ZNF14: variants seen among roughly 807,000 people sequenced by gnomAD.
The protein encoded by ZNF14 is gonadotropin inducible transcription repressor-4.
Under a neutral mutation model 11.3 loss-of-function variants are expected in ZNF14, and 9 were observed. The observed-to-expected ratio is 0.80, with a 90% CI of 0.48 to 1.39. The LOEUF (loss-of-function observed/expected upper bound fraction) is 1.39. Among genes scored for constraint, ZNF14 ranks in the 40% most tolerant of loss-of-function variants. ZNF14 has a pLI of 0.00. For synonymous variants in ZNF14, 239 were observed against 245.7 expected (o/e 0.97, Z 0.25); for missense variants, 711 against 763.9 (o/e 0.93, Z 0.82).
chr19:19,718,298 T>C (rs537496216), intron 1 of ZNF14, among the ~76,000 whole-genome samples: 25 of 152,218 alleles, frequency 1.6e-4, no homozygotes, highest in African/African-American at 4.8e-4. Context: ...AGCATATATA[T>C]AGAAATTCTA....
Position 19,732,991 on chromosome 19 carries a change from C to T in ZNF14, c.-33G>A, listed in dbSNP as rs1161273185. 6 of 1,612,620 alleles carry T rather than the reference C, an allele frequency of 3.7e-6. No homozygotes were observed. The African/African-American group carries it at 8.0e-5, about 22-fold the overall frequency. On this transcript the variant is annotated 5_prime_UTR_variant, in exon 1 of 4. Transcript: ENST00000344099. ...CGTCCGGGAAGTCACGGTGTCCTCC[C>T]TACGGATCTGTCAGTACCTGCAGGT...
At chr19:19,718,210 T>C (rs2163812) in intron 1 of ZNF14, among the ~76,000 whole-genome samples, 1,962 of 152,266 alleles carry the variant, frequency 0.013, 54 homozygotes, top group African/African-American at 0.045. Flanking sequence ...AGATCAGAAA[T>C]TTAAACCAAA....
At position 19,712,072 on chromosome 19, in the gene ZNF14, T is replaced by TG; in HGVS notation, c.1208dup (p.Ser404LysfsTer17). On this transcript the variant is annotated frameshift_variant, in exon 4 of 4. Coordinates refer to ENST00000344099, the MANE Select transcript of ZNF14 (RefSeq NM_021030.3). LOFTEE classifies it low-confidence loss of function (END_TRUNC). ...TTGTTTCGTGTTCTCGAAGGGAACTTGAAAAACTGAAGGTTTTATGACACT... is the reference window on the plus strand; with the variant it reads ...TTGTTTCGTGTTCTCGAAGGGAACTTGGAAAAACTGAAGGTTTTATGACACT... 1 of 1,613,026 alleles carries TG rather than the reference T, an allele frequency of 6.2e-7. No individual in the cohort carries two copies. Among genetic ancestry groups the TG allele is most frequent in the Non-Finnish European group, 8.5e-7 (1 of 1,179,708 alleles).
In ZNF14 at chr19:19,711,436, A is replaced by C. The variant is rs1343795377; in HGVS notation, c.1845T>G (p.Tyr615Ter). The C allele has an allele frequency of 6.2e-7, 1 of 1,609,600 alleles. No homozygotes were observed. The highest frequency in any genetic ancestry group is 8.5e-7 in the Non-Finnish European group (1 of 1,178,482). Residue 615 changes from tyrosine to a stop codon, truncating the protein, a stop_gained, in exon 4 of 4, where the codon TAT (tyrosine) becomes TAG (stop). Transcript: ENST00000344099. LOFTEE classifies it low-confidence loss of function (END_TRUNC). The stretch of plus-strand genomic sequence containing the variant: ...AGGCTTTTCCACATTGTTTGCATTC[A>C]TAAGGTTTCTCTCCAGTGTGAGACC... ...HERSHTGEKP[Y>*]ECKQCGKAFI...
rs2062358995 is a variant in ZNF14, at chr19:19,711,349, T to C, written c.*3A>G. ...CGAAGGCTTCAGAATGTTGCTTATATTCTTAGACTTTCTCTCCCATATGAG... is the reference window on the plus strand; with the variant it reads ...CGAAGGCTTCAGAATGTTGCTTATACTCTTAGACTTTCTCTCCCATATGAG... On this transcript the variant is annotated 3_prime_UTR_variant, in exon 4 of 4. Coordinates refer to ENST00000344099, the MANE Select transcript of ZNF14 (RefSeq NM_021030.3). The C allele has an allele frequency of 6.5e-7, 1 of 1,538,904 alleles. No homozygotes were observed.
intron 1 of ZNF14, among the ~76,000 whole-genome samples, chr19:19,731,526 T>C (rs2062423268): frequency 6.6e-6 from 1 of 151,494 alleles, no homozygotes; most frequent in Non-Finnish European, 1.5e-5. Flanking sequence ...CAGTGAGCTG[T>C]GATCATGCCG....
Position 19,712,788 on chromosome 19 carries a change from C to T in ZNF14, c.493G>A (p.Gly165Arg). 1 of 1,614,166 alleles carries T rather than the reference C, an allele frequency of 6.2e-7. No individual in the cohort carries two copies. The highest frequency in any genetic ancestry group is 1.3e-5 in the African/African-American group (1 of 75,056). The change falls in exon 4 of 4, where the codon GGA becomes AGA. Residue 165 changes from glycine (G) to arginine (R), a missense_variant. By Grantham distance (125) the Gly-to-Arg change is moderately radical. Coordinates refer to ENST00000344099, the MANE Select transcript of ZNF14 (RefSeq NM_021030.3). ...TGTTTACATTCATAGGGCTTCACTC[C>T]AGTGTGAGTTCTTTCATGTTTGCGA... ...CFRKHERTHTGVKPYECKQCG... is the reference protein window; with the variant it reads ...CFRKHERTHTRVKPYECKQCG...
intron 1 of ZNF14, among the ~76,000 whole-genome samples, chr19:19,715,693 A>T (rs1426496054): frequency 6.6e-6 from 1 of 152,248 alleles, no homozygotes; most frequent in Non-Finnish European, 1.5e-5. Flanking sequence ...ATGCCTGGGA[A>T]AGGGAGAGAT....
At chr19:19,732,893 G>A in intron 1 of ZNF14, 63 bp downstream of exon 1, 1 of 1,599,856 alleles carries the variant, frequency 6.3e-7, no homozygotes, top group South Asian at 1.1e-5. Flanking sequence ...GGAGGTCCCC[G>A]GCCTCGGCCA....
Position 19,712,991 on chromosome 19 carries a change from A to G in ZNF14, c.290T>C (p.Phe97Ser), listed in dbSNP as rs762699717. Residue 97 changes from phenylalanine (F) to serine (S), a missense_variant, in exon 4 of 4, where the codon TTT (phenylalanine) becomes TCT (serine). Phe to Ser is a radical substitution (Grantham distance 155, BLOSUM62 -2). Transcript: ENST00000344099. ...MPNVNINKET[F>S]TGAKPHECSF... is the part of the protein sequence containing the mutation. ...GCATTCATGTGGTTTTGCTCCAGTA[A>G]AAGTTTCCTTGTTGATATTAACATT... The G allele has an allele frequency of 7.4e-6, 12 of 1,613,962 alleles. No individual in the cohort carries two copies. The highest frequency in any genetic ancestry group is 1.6e-4 in the Middle Eastern group (1 of 6,084).
At chr19:19,729,178 A>G (rs930878792) in intron 1 of ZNF14, among the ~76,000 whole-genome samples, 3 of 152,050 alleles carry the variant, frequency 2.0e-5, no homozygotes, top group Admixed American at 6.6e-5. Context: ...GTGTTTTACC[A>G]TGTTGGCCAG....
chr19:19,721,942 G>A (rs1354024921), intron 1 of ZNF14, among the ~76,000 whole-genome samples: 1 of 143,960 alleles, frequency 6.9e-6, no homozygotes, highest in Non-Finnish European at 1.5e-5. Context: ...CAGCCTGGGT[G>A]ACAGAGCAAG....
Position 19,711,997 on chromosome 19 carries a change from G to A in ZNF14, c.1284C>T (p.Phe428=). The change falls in exon 4 of 4, where the codon TTC becomes TTT. Residue 428 remains phenylalanine (F), a synonymous_variant. Coordinates refer to ENST00000344099, the MANE Select transcript of ZNF14 (RefSeq NM_021030.3). ...PYECKQCGKT[F]SFSSSLQRHE... is the part of the protein sequence containing the mutation. ...GTCTTTGAAGGGAACTTGAAAAACTGAAGGTTTTACCACATTGTTTACATT... is the reference window on the plus strand; with the variant it reads ...GTCTTTGAAGGGAACTTGAAAAACTAAAGGTTTTACCACATTGTTTACATT... 1 of 1,614,040 alleles carries A rather than the reference G, an allele frequency of 6.2e-7. No individual in the cohort carries two copies. Among genetic ancestry groups the A allele is most frequent in the Non-Finnish European group, 8.5e-7 (1 of 1,180,000 alleles).
chr19:19,712,286 GC>G lies in ZNF14; in HGVS notation c.994del (p.Ala332LeufsTer374). The G allele has an allele frequency of 6.2e-7, 1 of 1,613,596 alleles. No homozygotes were observed. The highest frequency in any genetic ancestry group is 1.1e-5 in the South Asian group (1 of 91,036). ...FRAHVIIHTG[A>X]RPYKCKECGK... is the part of the protein sequence containing the mutation. ...ACATTCTTTACATTTATAAGGTCGA[GC>G]CCCAGTGTGTATTATTACATGTGCT... On this transcript the variant is annotated frameshift_variant, in exon 4 of 4. Coordinates refer to ENST00000344099, the MANE Select transcript of ZNF14 (RefSeq NM_021030.3). LOFTEE classifies it low-confidence loss of function (END_TRUNC).
chr19:19,731,806 G>C (rs247776), intron 1 of ZNF14, among the ~76,000 whole-genome samples: 29,611 of 152,036 alleles, frequency 0.19, 3,683 homozygotes, highest in South Asian at 0.26. Context: ...GGTGGCTCAC[G>C]CCTGTAATCC....
At chr19:19,732,913 C>CA in intron 1 of ZNF14, 43 bp downstream of exon 1, 1 of 1,612,656 alleles carries the variant, frequency 6.2e-7, no homozygotes, top group East Asian at 2.2e-5. Context: ...ACAGACGGTT[C>CA]CAACCAGAAA....
chr19:19,726,279 T>C lies in ZNF14; in HGVS notation c.3+6677A>G, dbSNP rs1308099706. On this transcript the variant is annotated intron_variant, in intron 1 of 3. Transcript: ENST00000344099. ...AAATGGGGTTTTGGTGTGGATGTCC[T>C]TTCTGTTTGTTAGTTTTCCTCCTAA... Among the ~76,000 whole-genome samples the C allele has an allele frequency of 2.2e-5, 3 of 134,734 alleles. 1 individual carries two copies. The highest frequency in any genetic ancestry group is 5.0e-5 in the Non-Finnish European group (3 of 60,424). 88.4% of individuals were successfully genotyped at this position (134,734 alleles called of 152,430 possible).
rs867064150 is a variant in ZNF14, at chr19:19,712,113, G to A, written c.1168C>T (p.Pro390Ser). ...LHERTHTGEK[P>S]YECKQCHKTF... ...TTATGACACTGTTTACACTCATAAG[G>A]TTTCTCTCCAGTATGAGTTCTTTCA... Residue 390 changes from proline (P) to serine (S), a missense_variant, in exon 4 of 4, where the codon CCT (proline) becomes TCT (serine). Pro to Ser is a moderately conservative substitution (Grantham distance 74). Coordinates refer to ENST00000344099, the MANE Select transcript of ZNF14 (RefSeq NM_021030.3). The A allele has an allele frequency of 6.2e-7, 1 of 1,613,788 alleles. No individual in the cohort carries two copies. The highest frequency in any genetic ancestry group is 8.5e-7 in the Non-Finnish European group (1 of 1,180,014).
In ZNF14 at chr19:19,711,111, G is replaced by A; in HGVS notation, c.*241C>T. ...AAAACAAAAAACAAAAAACAAAACA[G>A]ATTTCACTGCAGCACGAGTCCTGTC... is the stretch of plus-strand genomic sequence containing the variant. On this transcript the variant is annotated 3_prime_UTR_variant, in exon 4 of 4. Transcript: ENST00000344099. 2.3e-6 allele frequency: 1 copy of A among 438,668 alleles called. No homozygotes were observed. 27.2% of individuals were successfully genotyped at this position (438,668 alleles called of 1,614,324 possible).
Sources: allele counts gnomAD v4.1 joint callset (sites outside exome capture counted in the v4.1 genomes callset), GRCh38; gene constraint gnomAD v4.1.1; transcripts MANE v1.5; gene names NCBI Gene and HGNC (gene_info 2026-07-23, HGNC 2026-07-21).